Variants in ZFP90 observed in about 807,000 individuals in gnomAD.
ZFP90 encodes zinc finger protein 90 homolog.
A neutral mutation model predicts 60.8 loss-of-function variants in ZFP90; 38 were observed. That is an observed-to-expected ratio of 0.62 (90% CI 0.48 to 0.82). The LOEUF is 0.82. Among genes scored for constraint, ZFP90 ranks in the 40% least tolerant of loss-of-function variants. The pLI is 0.00. For synonymous variants in ZFP90, 287 were observed against 264.8 expected (o/e 1.08, Z -0.82); for missense variants, 711 against 759.1 (o/e 0.94, Z 0.74).
chr16:68,543,959 TCTC>T (rs2091099622), intron 2 of ZFP90, among the ~76,000 whole-genome samples: 1 of 151,330 alleles, frequency 6.6e-6, no homozygotes. Context: ...TTCAAGCAAT[TCTC>T]CTGCCTCAGC....
chr16:68,542,244 C>G (rs2091063711), intron 2 of ZFP90, among the ~76,000 whole-genome samples: 2 of 152,038 alleles, frequency 1.3e-5, no homozygotes, highest in South Asian at 4.2e-4. Context: ...TTGAGAGGGA[C>G]CAGGACATTC....
At chr16:68,539,263 A>G (rs896350276), upstream of ZFP90, 20 of 154,052 alleles carry the variant, frequency 1.3e-4, no homozygotes, top group Non-Finnish European at 2.6e-4. Flanking sequence ...CCGGGGTTGC[A>G]GGAGCGAGGC....
At chr16:68,570,001 G>A (rs1366047010), downstream of ZFP90, among the ~76,000 whole-genome samples, 1 of 150,994 alleles carries the variant, frequency 6.6e-6, no homozygotes. Flanking sequence ...TTTCCCATTA[G>A]CATAGTAACA....
Position 68,547,836 on chromosome 16 carries a change from C to CT in ZFP90, c.33+8027dup, listed in dbSNP as rs1555498464. Among the ~76,000 whole-genome samples the CT allele has an allele frequency of 5.0e-3, 674 of 136,026 alleles. 7 individuals carry two copies. Among genetic ancestry groups the CT allele is most frequent in the African/African-American group, 0.016 (606 of 37,302 alleles). 89.2% of individuals were successfully genotyped at this position (136,026 alleles called of 152,430 possible). On this transcript the variant is annotated intron_variant, in intron 2 of 4. Transcript: ENST00000563169. ...GTTTTTCAAAATACAGTTGATCTCTCTTTTTTTTTTTTTTTTGAGACAGAG... is the reference window on the plus strand; with the variant it reads ...GTTTTTCAAAATACAGTTGATCTCTCTTTTTTTTTTTTTTTTTGAGACAGAG...
chr16:68,542,460 G>A (rs906673235), intron 2 of ZFP90, among the ~76,000 whole-genome samples: 9 of 152,034 alleles, frequency 5.9e-5, no homozygotes, highest in East Asian at 5.8e-4. Flanking sequence ...CCATGGTGAC[G>A]GGCGCCTGTA....
chr16:68,567,188 G>C (rs1336609980), downstream of ZFP90: 19 of 983,576 alleles, frequency 1.9e-5, no homozygotes, highest in Non-Finnish European at 2.3e-5. Flanking sequence ...AAAGAGTGGT[G>C]CACCAAGAGG....
rs778341155 is a variant in ZFP90, at chr16:68,564,208, C to T, written c.1421C>T (p.Ala474Val). Residue 474 changes from alanine to valine, a missense_variant, in exon 5 of 5, where the codon GCA becomes GTA. Around this residue, in one of 5 missense-constraint regions of ZFP90, gnomAD observed 295 missense variants for 274.0 expected, o/e 1.08. Transcript: ENST00000563169. Reference protein sequence around the residue: ...DFTDHQRIHTAENPYDCEQAF... With the variant: ...DFTDHQRIHTVENPYDCEQAF... ...ACTGACCATCAGAGGATCCATACTG[C>T]AGAGAACCCCTATGATTGTGAGCAG... 6 of 1,613,952 alleles carry T rather than the reference C, an allele frequency of 3.7e-6. No homozygotes were observed. The highest frequency in any genetic ancestry group is 5.1e-6 in the Non-Finnish European group (6 of 1,179,962).
Position 68,563,572 on chromosome 16 carries a change from C to G in ZFP90, c.785C>G (p.Thr262Ser). 6.2e-7 allele frequency: 1 copy of G among 1,614,204 alleles called. No homozygotes were observed. Among genetic ancestry groups the G allele is most frequent in the Non-Finnish European group, 8.5e-7 (1 of 1,180,040 alleles). Residue 262 changes from threonine to serine, a missense_variant, in exon 5 of 5, where the codon ACC (threonine) becomes AGC (serine). By Grantham distance (58) the Thr-to-Ser change is moderately conservative (BLOSUM62 1). Coordinates refer to ENST00000563169, the MANE Select transcript of ZFP90 (RefSeq NM_001305203.2). ...KHHECTDCGK[T>S]FLWKTQLTEH... is the part of the protein sequence containing the mutation. ...CATGAATGTACCGACTGTGGGAAAA[C>G]CTTTCTCTGGAAGACACAGCTTACT... is the stretch of plus-strand genomic sequence containing the variant.
rs563794355 is a variant in ZFP90, at chr16:68,566,616, A to G, written c.*1918A>G. 1.0e-6 allele frequency: 1 copy of G among 985,556 alleles called. No individual in the cohort carries two copies. Among genetic ancestry groups the G allele is most frequent in the East Asian group, 1.1e-4 (1 of 8,952 alleles). 61.1% of individuals were successfully genotyped at this position (985,556 alleles called of 1,614,324 possible). A position where few individuals can be genotyped will look rare whatever the true frequency, so the allele number is the denominator to read the frequency against. ...GCAGATCTGCCCTTCTGAGATGCTG[A>G]CCATCCAAAACACCTTGTTTATGGT... On this transcript the variant is annotated 3_prime_UTR_variant, in exon 5 of 5. Transcript: ENST00000563169.
At chr16:68,559,892 A>G (rs2091410092) in intron 4 of ZFP90, among the ~76,000 whole-genome samples, 1 of 152,070 alleles carries the variant, frequency 6.6e-6, no homozygotes, top group South Asian at 2.1e-4. Flanking sequence ...ATTTTGAGAC[A>G]GGGTCTTGCT....
Position 68,564,726 on chromosome 16 carries a change from A to T in ZFP90, c.*28A>T. 6.4e-7 allele frequency: 1 copy of T among 1,570,548 alleles called. No homozygotes were observed. Among genetic ancestry groups the T allele is most frequent in the Non-Finnish European group, 8.6e-7 (1 of 1,162,950 alleles). On this transcript the variant is annotated 3_prime_UTR_variant, in exon 5 of 5. Coordinates refer to ENST00000563169, the MANE Select transcript of ZFP90 (RefSeq NM_001305203.2). ...ACCGTGAAATTAAGGAATTTGCAGA[A>T]TGCTTTAGCTAAAATGTTCTGATTC... is the stretch of plus-strand genomic sequence containing the variant.
chr16:68,538,496 G>A (rs1291842285), upstream of ZFP90, among the ~76,000 whole-genome samples: 1 of 152,138 alleles, frequency 6.6e-6, no homozygotes, highest in Non-Finnish European at 1.5e-5. Flanking sequence ...GCCGAGGCGA[G>A]TTCGAGACCA....
chr16:68,538,369 TAA>T (rs961639268), upstream of ZFP90, among the ~76,000 whole-genome samples: 37 of 152,312 alleles, frequency 2.4e-4, no homozygotes, highest in African/African-American at 8.2e-4. Context: ...CTGTGATATA[TAA>T]GACATAATTA....
At chr16:68,540,901 T>C (rs1362158626) in intron 2 of ZFP90, among the ~76,000 whole-genome samples, 1 of 140,022 alleles carries the variant, frequency 7.1e-6, no homozygotes, top group Non-Finnish European at 1.5e-5. Flanking sequence ...AAGCATACAA[T>C]ACATCATGCC....
intron 2 of ZFP90, among the ~76,000 whole-genome samples, chr16:68,543,203 G>T (rs1264385659): frequency 6.6e-6 from 1 of 151,658 alleles, no homozygotes; most frequent in Non-Finnish European, 1.5e-5. Context: ...TGTATGTCTG[G>T]TGTATTCAAG....
intron 2 of ZFP90, among the ~76,000 whole-genome samples, chr16:68,552,407 G>A (rs2091277586): frequency 6.6e-6 from 1 of 152,192 alleles, no homozygotes; most frequent in African/African-American, 2.4e-5. Context: ...CTTATGAGCT[G>A]TGCTAGAGAG....
At chr16:68,543,366 T>C (rs895924941) in intron 2 of ZFP90, among the ~76,000 whole-genome samples, 5 of 152,134 alleles carry the variant, frequency 3.3e-5, no homozygotes, top group African/African-American at 1.2e-4. Context: ...AGAGAGGTGT[T>C]TTGATGAGTG....
In ZFP90 at chr16:68,565,344, A is replaced by G. The variant is rs2091508474; in HGVS notation, c.*646A>G. 1.0e-6 allele frequency: 1 copy of G among 985,602 alleles called. No homozygotes were observed. The highest frequency in any genetic ancestry group is 1.2e-6 in the Non-Finnish European group (1 of 829,946). 61.1% of individuals were successfully genotyped at this position (985,602 alleles called of 1,614,324 possible). Reference sequence around the variant, plus strand: ...GTTATTTTTGGACTCAGAGGGCTTTAAAATAAATTTTAAGATGTATCAGAT... The same window carrying G: ...GTTATTTTTGGACTCAGAGGGCTTTGAAATAAATTTTAAGATGTATCAGAT... On this transcript the variant is annotated 3_prime_UTR_variant, in exon 5 of 5. Coordinates refer to ENST00000563169, the MANE Select transcript of ZFP90 (RefSeq NM_001305203.2).
chr16:68,576,129 C>G (rs1289679306), downstream of ZFP90: 1 of 223,128 alleles, frequency 4.5e-6, no homozygotes, highest in African/African-American at 2.3e-5. Flanking sequence ...TCCCCAGCTC[C>G]TCAGTATCCC....
Sources: gnomAD v4.1 joint callset for allele counts (sites outside exome capture counted in the v4.1 genomes callset) on GRCh38, gnomAD v4.1.1 for gene constraint, gnomAD v4.1.1 regional missense constraint, MANE v1.5 for transcripts, NCBI Gene and HGNC (gene_info 2026-07-23, HGNC 2026-07-21) for gene names.